The following PCDH11Y variants were observed in gnomAD, a reference collection of about 807,000 sequenced individuals.
The protein encoded by PCDH11Y is protocadherin-11 Y-linked.
For synonymous variants in PCDH11Y, 9 were observed against 83.6 expected (o/e 0.11, Z 4.87); for missense variants, 12 against 224.8 (o/e 0.05, Z 6.05).
At chrY:5,220,810 C>T (rs34869856) in intron 2 of PCDH11Y, among the ~76,000 whole-genome samples, 11 of 25,782 alleles carry the variant, frequency 4.3e-4, no homozygotes, top group Admixed American at 2.2e-3. Context: ...TCCGCCTCCC[C>T]GGTTCAAGTG....
intron 2 of PCDH11Y, among the ~76,000 whole-genome samples, chrY:5,225,219 C>T: frequency 3.3e-5 from 1 of 30,760 alleles, no homozygotes; most frequent in Non-Finnish European, 7.7e-5. Context: ...CTTGTTTATT[C>T]GTTCTAACTA....
intron 2 of PCDH11Y, among the ~76,000 whole-genome samples, chrY:5,150,754 G>A: frequency 3.0e-5 from 1 of 33,651 alleles, no homozygotes; most frequent in Admixed American, 2.7e-4. Context: ...ATGATCGCAA[G>A]TTTTCATCAT....
intron 1 of PCDH11Y, among the ~76,000 whole-genome samples, chrY:5,004,736 T>G: frequency 2.9e-5 from 1 of 33,899 alleles, no homozygotes; most frequent in Non-Finnish European, 7.3e-5. Context: ...TTAAAGGAGG[T>G]GTCATCCCTG....
chrY:5,686,454 G>GT (rs2053563110), intron 4 of PCDH11Y, among the ~76,000 whole-genome samples: 1 of 35,104 alleles, frequency 2.8e-5, no homozygotes, highest in African/African-American at 1.1e-4. Context: ...AGCAAGGGAT[G>GT]TTTTTTCATT....
chrY:5,426,561 G>C (rs2053263334), intron 2 of PCDH11Y, among the ~76,000 whole-genome samples: 1 of 32,560 alleles, frequency 3.1e-5, no homozygotes. Flanking sequence ...GTTCAAGGAG[G>C]GATTTAGTAT....
chrY:5,155,920 G>A (rs1227238521), intron 2 of PCDH11Y, among the ~76,000 whole-genome samples: 2 of 22,393 alleles, frequency 8.9e-5, no homozygotes, highest in African/African-American at 1.8e-4. Flanking sequence ...GTGAAAATAG[G>A]AAGAGAGTAC....
intron 3 of PCDH11Y, among the ~76,000 whole-genome samples, chrY:5,570,735 C>G (rs2053438709): frequency 3.1e-5 from 1 of 32,182 alleles, no homozygotes; most frequent in South Asian, 6.7e-4. Flanking sequence ...AGGATCCCTC[C>G]TTTCCCCATG....
chrY:5,516,075 G>T (rs2053372159), intron 3 of PCDH11Y, among the ~76,000 whole-genome samples: 1 of 33,684 alleles, frequency 3.0e-5, no homozygotes, highest in East Asian at 7.7e-4. Flanking sequence ...CTAATTTAAT[G>T]AAAGAGCTTC....
chrY:5,244,147 G>A (rs2052992428), intron 2 of PCDH11Y, among the ~76,000 whole-genome samples: 1 of 33,540 alleles, frequency 3.0e-5, no homozygotes, highest in Non-Finnish European at 7.3e-5. Flanking sequence ...CATGGAAACT[G>A]AATAACCTGC....
intron 3 of PCDH11Y, among the ~76,000 whole-genome samples, chrY:5,508,142 T>C: frequency 3.0e-5 from 1 of 33,206 alleles, no homozygotes; most frequent in Non-Finnish European, 7.5e-5. Flanking sequence ...TATAGCAACA[T>C]ATTTTTAATC....
At chrY:5,292,496 A>G in intron 2 of PCDH11Y, among the ~76,000 whole-genome samples, 2 of 33,279 alleles carry the variant, frequency 6.0e-5, no homozygotes, top group African/African-American at 2.4e-4. Flanking sequence ...GTATGTGTCT[A>G]GGAATTTATC....
chrY:5,408,255 A>G (rs2053242941), intron 2 of PCDH11Y, among the ~76,000 whole-genome samples: 21 of 33,118 alleles, frequency 6.3e-4, no homozygotes, highest in Admixed American at 2.5e-3. Flanking sequence ...AGTTAATAAT[A>G]GTGTATAGAT....
intron 1 of PCDH11Y, among the ~76,000 whole-genome samples, chrY:5,068,542 C>CTGTG (rs3067360): frequency 0.09 from 1,963 of 21,721 alleles, no homozygotes; most frequent in East Asian, 0.74. Flanking sequence ...TTTGTGTCCT[C>CTGTG]TGTGTGTGTG....
intron 3 of PCDH11Y, among the ~76,000 whole-genome samples, chrY:5,035,353 G>A: frequency 3.5e-5 from 1 of 28,611 alleles, no homozygotes; most frequent in Non-Finnish European, 8.4e-5. Flanking sequence ...AAATTATGAA[G>A]GTGCAATGTT....
chrY:5,341,358 T>C, intron 2 of PCDH11Y, among the ~76,000 whole-genome samples: 3 of 33,268 alleles, frequency 9.0e-5, no homozygotes, highest in Admixed American at 2.8e-4. Flanking sequence ...TCCACCATCC[T>C]GGACCTCTCA....
In PCDH11Y at chrY:5,635,855, T is replaced by G; in HGVS notation, c.3352+54057T>G. ...ATCAGTGTATTTTCCAAAGTATGCA[T>G]TTGCATTATATTTATAGAGGTAATC... On this transcript the variant is annotated intron_variant, in intron 4 of 4. Coordinates refer to the PCDH11Y transcript ENST00000400457. 8.8e-5 allele frequency among the ~76,000 whole-genome samples: 3 copies of G among 34,177 alleles called. No individual in the cohort carries two copies. In the South Asian group the frequency reaches 1.9e-3, roughly 22 times the overall value. The allele number at this position is 34,177 out of a possible 37,273, so 91.7% of individuals were successfully genotyped here. A position where few individuals can be genotyped will look rare whatever the true frequency, so the allele number is the denominator to read the frequency against.
At chrY:5,585,939 A>G in intron 4 of PCDH11Y, among the ~76,000 whole-genome samples, 3 of 21,538 alleles carry the variant, frequency 1.4e-4, no homozygotes, top group Non-Finnish European at 3.0e-4. Flanking sequence ...ATTCTATTCC[A>G]TTTGCCTATG....
chrY:5,587,009 C>T, intron 4 of PCDH11Y, among the ~76,000 whole-genome samples: 1 of 32,008 alleles, frequency 3.1e-5, no homozygotes, highest in Admixed American at 2.9e-4. Flanking sequence ...GTTTAAGATG[C>T]GTCGTTAGGT....
intron 2 of PCDH11Y, among the ~76,000 whole-genome samples, chrY:5,362,171 T>TA (rs2053175058): frequency 6.1e-5 from 2 of 32,969 alleles, no homozygotes; most frequent in African/African-American, 1.2e-4. Context: ...GCTTTTAGTA[T>TA]ATTCACAGCA....
Sources: allele counts gnomAD v4.1 joint callset (sites outside exome capture counted in the v4.1 genomes callset), GRCh38; gene constraint gnomAD v4.1.1; transcripts MANE v1.5; gene names NCBI Gene and HGNC (gene_info 2026-07-23, HGNC 2026-07-21).